Variants in ZNF486 observed in about 807,000 individuals in gnomAD.
The protein encoded by ZNF486 is KRAB box only protein 2.
A neutral mutation model predicts 12.8 loss-of-function variants in ZNF486; 12 were observed. The ratio of observed to expected loss-of-function variants is 0.94; its 90% CI spans 0.60 to 1.52. ZNF486 has a LOEUF of 1.52. Ranked by LOEUF, ZNF486 falls within the 40% of genes most tolerant of loss-of-function variation. ZNF486 has a pLI of 0.00. For synonymous variants in ZNF486, 231 were observed against 184.9 expected (o/e 1.25, Z -2.02); for missense variants, 738 against 545.0 (o/e 1.35, Z -3.53).
intron 1 of ZNF486, among the ~76,000 whole-genome samples, chr19:20,175,932 C>A (rs187946781): frequency 1.3e-5 from 2 of 150,390 alleles, no homozygotes; most frequent in African/African-American, 4.9e-5. Flanking sequence ...CCCTCACCTC[C>A]CGGATGGGGC....
At chr19:20,188,777 T>C (rs2089874552) in intron 3 of ZNF486, 4 of 253,108 alleles carry the variant, frequency 1.6e-5, no homozygotes, top group Middle Eastern at 1.2e-3. Flanking sequence ...CTGCTCATTT[T>C]ACCCTCTCTC....
chr19:20,200,312 ATAAG>A lies in ZNF486; in HGVS notation c.*2212_*2215del, dbSNP rs2090001071. 1 of 152,158 alleles carries A rather than the reference ATAAG, an allele frequency of 6.6e-6. No homozygotes were observed. Among genetic ancestry groups the A allele is most frequent in the South Asian group, 2.1e-4 (1 of 4,832 alleles). The allele number at this position is 152,158 out of a possible 1,614,324, so 9.4% of individuals were successfully genotyped here. A position where few individuals can be genotyped will look rare whatever the true frequency, so the allele number is the denominator to read the frequency against. On this transcript the variant is annotated 3_prime_UTR_variant, in exon 4 of 4. Coordinates refer to ENST00000335117, the MANE Select transcript of ZNF486 (RefSeq NM_052852.4). The stretch of plus-strand genomic sequence containing the variant: ...AAAATGTAAGATGCATGATGAAAAT[ATAAG>A]TGGAGAGGCTCTTTGTAGTTAACCT...
In ZNF486 at chr19:20,199,900, CCT is replaced by C. The variant is rs2089997334; in HGVS notation, c.*1799_*1800del. ...ACCATCTTGGCCAAGATGGTGAAAC[CCT>C]GTCTGTACTAAAAATACAAAAATTA... On this transcript the variant is annotated 3_prime_UTR_variant, in exon 4 of 4. Transcript: ENST00000335117. The C allele has an allele frequency of 1.3e-5, 2 of 151,846 alleles. No homozygotes were observed. The highest frequency in any genetic ancestry group is 1.3e-4 in the Admixed American group (2 of 15,188). 9.4% of individuals were successfully genotyped at this position (151,846 alleles called of 1,614,324 possible).
In ZNF486 at chr19:20,197,610, C is replaced by A. The variant is rs1239476964; in HGVS notation, c.900C>A (p.Asp300Glu). 2 of 1,613,598 alleles carry A rather than the reference C, an allele frequency of 1.2e-6. No homozygotes were observed. The highest frequency in any genetic ancestry group is 2.7e-5 in the African/African-American group (2 of 74,844). The change falls in exon 4 of 4, where the codon GAC becomes GAA. Residue 300 changes from aspartate to glutamate, a missense_variant. Coordinates refer to ENST00000335117, the MANE Select transcript of ZNF486 (RefSeq NM_052852.4). ...AACCCTACAAATGTAAAGAATGTGACAAAGCTTTTAACCATCCTGCAACTC... is the reference window on the plus strand; with the variant it reads ...AACCCTACAAATGTAAAGAATGTGAAAAAGCTTTTAACCATCCTGCAACTC... ...GEQPYKCKEC[D>E]KAFNHPATLS...
At chr19:20,192,588 A>G (rs1349641832) in intron 3 of ZNF486, among the ~76,000 whole-genome samples, 3 of 152,266 alleles carry the variant, frequency 2.0e-5, no homozygotes, top group East Asian at 3.9e-4. Flanking sequence ...GATTACAGGC[A>G]TCAGCCACCA....
At chr19:20,193,988 A>G (rs1160154686) in intron 3 of ZNF486, among the ~76,000 whole-genome samples, 1 of 152,042 alleles carries the variant, frequency 6.6e-6, no homozygotes, top group Non-Finnish European at 1.5e-5. Context: ...TCATCATTAC[A>G]TTTGCCTTCA....
At chr19:20,171,131 G>A (rs1654310) in intron 1 of ZNF486, among the ~76,000 whole-genome samples, 26,634 of 152,126 alleles carry the variant, frequency 0.18, 2,815 homozygotes, top group East Asian at 0.47. Flanking sequence ...TTGATGTTCA[G>A]CAAACTCTAC....
intron 3 of ZNF486, among the ~76,000 whole-genome samples, chr19:20,192,480 G>C (rs1281217417): frequency 6.6e-6 from 1 of 151,948 alleles, no homozygotes; most frequent in Non-Finnish European, 1.5e-5. Flanking sequence ...TAATTTTTTT[G>C]TATTTTAGGT....
At chr19:20,179,958 TTC>T (rs1210375843) in intron 1 of ZNF486, among the ~76,000 whole-genome samples, 2 of 152,238 alleles carry the variant, frequency 1.3e-5, no homozygotes, top group Non-Finnish European at 2.9e-5. Context: ...TTTTGTTTCT[TTC>T]TCTCATCCAA....
In ZNF486 at chr19:20,185,236, T is replaced by C. The variant is rs187913517; in HGVS notation, c.158-751T>C. ...ATTTTTTACCTTCTTAGTAATTTTT[T>C]AAAGAAATTTATTATTTAATGGTAT... On this transcript the variant is annotated intron_variant, in intron 2 of 3. Coordinates refer to ENST00000335117, the MANE Select transcript of ZNF486 (RefSeq NM_052852.4). Among the ~76,000 whole-genome samples the C allele has an allele frequency of 2.1e-3, 315 of 152,242 alleles. 1 individual carries two copies. The highest frequency in any genetic ancestry group is 0.02 in the Middle Eastern group (6 of 294).
In ZNF486 at chr19:20,197,165, A is replaced by G. The variant is rs782565273; in HGVS notation, c.455A>G (p.Lys152Arg). ...LNQCLTTTQS[K>R]IFQCGKYVKV... ...CAATGTTTGACAACTACCCAGAGCAAAATATTTCAATGTGGTAAATATGTG... is the reference window on the plus strand; with the variant it reads ...CAATGTTTGACAACTACCCAGAGCAGAATATTTCAATGTGGTAAATATGTG... The change falls in exon 4 of 4, where the codon AAA becomes AGA. Residue 152 changes from lysine (K) to arginine (R), a missense_variant. Transcript: ENST00000335117. 2 of 1,613,996 alleles carry G rather than the reference A, an allele frequency of 1.2e-6. No individual in the cohort carries two copies. The highest frequency in any genetic ancestry group is 8.5e-7 in the Non-Finnish European group (1 of 1,179,970).
intron 1 of ZNF486, among the ~76,000 whole-genome samples, chr19:20,183,645 A>T (rs2089810678): frequency 6.6e-6 from 1 of 152,252 alleles, no homozygotes; most frequent in South Asian, 2.1e-4. Context: ...CAGTTGGTGA[A>T]ATAGCTCTCT....
chr19:20,194,002 T>C (rs1453189105), intron 3 of ZNF486, among the ~76,000 whole-genome samples: 1 of 152,196 alleles, frequency 6.6e-6, no homozygotes, highest in Non-Finnish European at 1.5e-5. Flanking sequence ...GCCTTCAACT[T>C]TGTTACTGAT....
chr19:20,173,474 G>T (rs78966613), intron 1 of ZNF486, among the ~76,000 whole-genome samples: 1 of 151,832 alleles, frequency 6.6e-6, no homozygotes, highest in African/African-American at 2.4e-5. Context: ...CCCCACTAAC[G>T]TTCTTTCAAG....
Position 20,167,441 on chromosome 19 carries a change from C to G in ZNF486, c.30+81C>G, listed in dbSNP as rs782224003. ...GGCTGTGGAGGGACTCAGGCCTCCC[C>G]GTAGTCAGCTCCACAATCTGCGTCC... On this transcript the variant is annotated intron_variant, in intron 1 of 3. Transcript: ENST00000335117. 152 of 1,505,590 alleles carry G rather than the reference C, an allele frequency of 1.0e-4. 1 individual carries two copies. In the South Asian group the frequency reaches 1.3e-3, roughly 13 times the overall value. The allele number at this position is 1,505,590 out of a possible 1,614,324, so 93.3% of individuals were successfully genotyped here.
intron 3 of ZNF486, among the ~76,000 whole-genome samples, chr19:20,187,655 C>A (rs1438308528): frequency 6.6e-6 from 1 of 151,954 alleles, no homozygotes; most frequent in African/African-American, 2.4e-5. Context: ...GCGCCCACCA[C>A]CACACCCGGC....
intron 1 of ZNF486, among the ~76,000 whole-genome samples, chr19:20,179,113 G>A (rs1457785072): frequency 6.6e-6 from 1 of 152,142 alleles, no homozygotes; most frequent in African/African-American, 2.4e-5. Flanking sequence ...TCAGAGACAT[G>A]TTAAAATGAA....
intron 3 of ZNF486, among the ~76,000 whole-genome samples, chr19:20,190,967 CTCTATTAAT>C (rs1325751861): frequency 2.6e-5 from 4 of 152,166 alleles, no homozygotes; most frequent in African/African-American, 9.6e-5. Context: ...AAACTTTACA[CTCTATTAAT>C]TCAAATGAGA....
intron 1 of ZNF486, among the ~76,000 whole-genome samples, chr19:20,169,635 T>G (rs1808872049): frequency 6.6e-6 from 1 of 152,074 alleles, no homozygotes; most frequent in African/African-American, 2.4e-5. Flanking sequence ...CTTTTTAAGA[T>G]AAAAACGTCA....
Sources: allele counts gnomAD v4.1 joint callset (sites outside exome capture counted in the v4.1 genomes callset), GRCh38; gene constraint gnomAD v4.1.1; transcripts MANE v1.5; gene names NCBI Gene and HGNC (gene_info 2026-07-23, HGNC 2026-07-21).